AGBL5: variants seen among roughly 807,000 people sequenced by gnomAD.
The protein encoded by AGBL5 is cytosolic carboxypeptidase-like protein 5.
A neutral mutation model predicts 88.0 loss-of-function variants in AGBL5; 51 were observed. The ratio of observed to expected loss-of-function variants is 0.58; its 90% CI spans 0.46 to 0.73. The LOEUF (loss-of-function observed/expected upper bound fraction) is 0.73, where lower values mean the gene tolerates loss of function less well. Among genes scored for constraint, AGBL5 ranks in the 30% least tolerant of loss-of-function variants. The pLI is 0.00. For missense variants in AGBL5, 1,031 were observed against 1,162.2 expected, an observed-to-expected ratio of 0.89 and a Z score of 1.64; for synonymous variants, 446 against 438.8, an observed-to-expected ratio of 1.02 and a Z score of -0.21.
rs1197648286 is a variant in AGBL5, at chr2:27,055,904, T to C, written c.1131T>C (p.Cys377=). Residue 377 remains cysteine, a synonymous_variant, in exon 7 of 15, where the codon TGT becomes TGC. Coordinates refer to ENST00000360131, the MANE Select transcript of AGBL5 (RefSeq NM_021831.6). ...KANNLQNEAQ[C]GHSADRHNAE... ...ACAATCTCCAAAATGAAGCTCAGTGTGGGCACTCAGCTGACAGGCATAACG... is the reference window on the plus strand; with the variant it reads ...ACAATCTCCAAAATGAAGCTCAGTGCGGGCACTCAGCTGACAGGCATAACG... 6.2e-6 allele frequency: 10 copies of C among 1,614,180 alleles called. No individual in the cohort carries two copies. Among genetic ancestry groups the C allele is most frequent in the Non-Finnish European group, 8.5e-6 (10 of 1,180,020 alleles).
In AGBL5 at chr2:27,069,617, G is replaced by T; in HGVS notation, c.2400G>T (p.Gly800=). 1 of 1,614,202 alleles carries T rather than the reference G, an allele frequency of 6.2e-7. No homozygotes were observed. The highest frequency in any genetic ancestry group is 8.5e-7 in the Non-Finnish European group (1 of 1,180,022). Residue 800 remains glycine (G), a synonymous_variant, in exon 14 of 15, where the codon GGG becomes GGT. Transcript: ENST00000360131. ...LGRGSPPTRR[G]MKGSSGPTSP... ...GGGGCTCACCGCCGACTCGCAGAGG[G>T]ATGAAAGGCTCTTCAGGCCCCACAT...
rs771041606 is a variant in AGBL5 at position 27,058,497 on chromosome 2, G to A, written c.1769G>A (p.Arg590Gln). The change falls in exon 10 of 15, where the codon CGG becomes CAG. Residue 590 changes from arginine (R) to glutamine (Q), a missense_variant. Transcript: ENST00000360131. ...GAGCACAGCAGCCTTACTAATCTAC[G>A]GGCCTGGATGCTGAAACATGTACGC... is the stretch of plus-strand genomic sequence containing the variant. ...LSEHSSLTNLRAWMLKHVRNS... is the reference protein window; with the variant it reads ...LSEHSSLTNLQAWMLKHVRNS... 14 of 1,614,002 alleles carry A rather than the reference G, an allele frequency of 8.7e-6. No individual in the cohort carries two copies. The highest frequency in any genetic ancestry group is 6.7e-5 in the East Asian group (3 of 44,890).
chr2:27,069,532 TG>T (rs1410279806), intron 13 of AGBL5, 40 bp from the exon 14 acceptor site: 1 of 1,595,168 alleles, frequency 6.3e-7, no homozygotes, highest in Non-Finnish European at 8.6e-7. Flanking sequence ...AAAAAACTCA[TG>T]GAAGAATCCA....
chr2:27,058,530 G>A lies in AGBL5; in HGVS notation c.1802G>A (p.Arg601Gln), dbSNP rs751993277. 24 of 1,614,046 alleles carry A rather than the reference G, an allele frequency of 1.5e-5. No homozygotes were observed. Among genetic ancestry groups the A allele is most frequent in the Non-Finnish European group, 1.9e-5 (22 of 1,180,044 alleles). Reference sequence around the variant, plus strand: ...ATGCTGAAACATGTACGCAACAGCCGAGGCCTAAGCAGCACTCTGAATGTG... The same window carrying A: ...ATGCTGAAACATGTACGCAACAGCCAAGGCCTAAGCAGCACTCTGAATGTG... ...AWMLKHVRNS[R>Q]GLSSTLNVGV... Residue 601 changes from arginine (R) to glutamine (Q), a missense_variant, in exon 10 of 15, where the codon CGA becomes CAA. Coordinates refer to ENST00000360131, the MANE Select transcript of AGBL5 (RefSeq NM_021831.6).
intron 11 of AGBL5, chr2:27,062,922 C>G (rs1311867161): frequency 1.3e-5 from 2 of 152,180 alleles, no homozygotes; most frequent in East Asian, 3.8e-4. Flanking sequence ...GTCTTGAGAA[C>G]AATGATTATG....
chr2:27,066,489 T>A (rs978446515), intron 11 of AGBL5, among the ~76,000 whole-genome samples: 1 of 151,428 alleles, frequency 6.6e-6, no homozygotes, highest in African/African-American at 2.4e-5. Flanking sequence ...ACAGAGTGAT[T>A]TGGGAGTTTA....
intron 8 of AGBL5, 177 bp from the exon 9 acceptor site, chr2:27,057,126 C>T: frequency 1.5e-6 from 1 of 648,974 alleles, no homozygotes; most frequent in Non-Finnish European, 2.5e-6. Flanking sequence ...TGGGGGGACT[C>T]TCTGGGTATA....
At chr2:27,052,474 T>A (rs945318877) in intron 1 of AGBL5, 1 of 152,418 alleles carries the variant, frequency 6.6e-6, no homozygotes, top group Admixed American at 6.5e-5. Context: ...TTCCTCTCTC[T>A]GCTCTGTGCT....
chr2:27,057,376 C>G lies in AGBL5; in HGVS notation c.1609C>G (p.Arg537Gly). 6.2e-7 allele frequency: 1 copy of G among 1,614,004 alleles called. No individual in the cohort carries two copies. Residue 537 changes from arginine (R) to glycine (G), a missense_variant, in exon 9 of 15, where the codon CGT becomes GGT. By Grantham distance (125) the Arg-to-Gly change is moderately radical. Coordinates refer to ENST00000360131, the MANE Select transcript of AGBL5 (RefSeq NM_021831.6). ...SIPAACHDNG[R>G]ASPPPPPAFP... ...CCCTGCTGCCTGCCATGACAATGGG[C>G]GTGCCAGCCCCCCTCCCCCGCCGGC...
intron 10 of AGBL5, 59 bp downstream of exon 10, chr2:27,058,661 T>C (rs1427598496): frequency 1.9e-6 from 3 of 1,564,758 alleles, no homozygotes; most frequent in Non-Finnish European, 2.6e-6. Flanking sequence ...GCTCTAGAGC[T>C]AGGAGTTCCA....
At position 27,056,786 on chromosome 2, in the gene AGBL5, T is replaced by C. The variant is rs1196781670; in HGVS notation, c.1529T>C (p.Ile510Thr). Residue 510 changes from isoleucine to threonine, a missense_variant, in exon 8 of 15, where the codon ATC (isoleucine) becomes ACC (threonine). Coordinates refer to ENST00000360131, the MANE Select transcript of AGBL5 (RefSeq NM_021831.6). ...RVAIYKASGI[I>T]HSYTLECNYN... is the part of the protein sequence containing the mutation. ...GCAATCTACAAAGCCTCAGGGATAATCCACAGGTTGGGTGGAAGCTGAGAT... is the reference window on the plus strand; with the variant it reads ...GCAATCTACAAAGCCTCAGGGATAACCCACAGGTTGGGTGGAAGCTGAGAT... 6.2e-7 allele frequency: 1 copy of C among 1,602,872 alleles called. No homozygotes were observed. The highest frequency in any genetic ancestry group is 8.5e-7 in the Non-Finnish European group (1 of 1,173,474).
At position 27,057,283 on chromosome 2, in the gene AGBL5, T is replaced by G. The variant is rs1668483687; in HGVS notation, c.1536-20T>G. 8 of 1,606,184 alleles carry G rather than the reference T, an allele frequency of 5.0e-6. No individual in the cohort carries two copies. Among genetic ancestry groups the G allele is most frequent in the Non-Finnish European group, 6.8e-6 (8 of 1,175,156 alleles). On this transcript the variant is annotated intron_variant, in intron 8 of 14. Transcript: ENST00000360131. ...GGTATCTGTTCAGGCGGGACACTGA[T>G]AAAGGTCTTTATGTCTTAGCTACAC...
intron 11 of AGBL5, chr2:27,061,327 C>G (rs948710686): frequency 6.6e-6 from 1 of 151,534 alleles, no homozygotes; most frequent in African/African-American, 2.4e-5. Flanking sequence ...ACCTCTGCCT[C>G]CCAGGTTCAA....
chr2:27,050,808 G>A (rs1031483901), upstream of AGBL5, among the ~76,000 whole-genome samples: 2 of 152,226 alleles, frequency 1.3e-5, no homozygotes, highest in Admixed American at 6.5e-5. Context: ...TGGTAGAGCG[G>A]AGGACTGTAG....
intron 1 of AGBL5, chr2:27,052,448 A>G (rs911297732): frequency 3.9e-5 from 6 of 152,354 alleles, no homozygotes; most frequent in Admixed American, 3.3e-4. Flanking sequence ...CTACCCATTT[A>G]CACTCAGAAC....
intron 1 of AGBL5, 37 bp downstream of exon 1, chr2:27,051,830 C>G (rs1438865510): frequency 1.3e-5 from 2 of 151,680 alleles, no homozygotes; most frequent in African/African-American, 4.9e-5. Flanking sequence ...CCCCGCCAGC[C>G]CCGGCCCCGC....
Position 27,053,830 on chromosome 2 carries a change from G to T in AGBL5, c.388-66G>T, listed in dbSNP as rs942619854. ...AAGGGTGTGAGGTCAGTTCCTGGTG[G>T]TCCCAGTAGGAGCTCAGTTCTGACA... is the stretch of plus-strand genomic sequence containing the variant. On this transcript the variant is annotated intron_variant, in intron 3 of 14. Transcript: ENST00000360131. The surrounding 1 kb of genome is among the most constrained non-coding windows in gnomAD (Gnocchi z 4.9). The T allele has an allele frequency of 9.1e-6, 14 of 1,544,100 alleles. No homozygotes were observed. The African/African-American group carries it at 1.6e-4, about 18-fold the overall frequency.
chr2:27,054,518 C>G, intron 4 of AGBL5, 112 bp from the exon 5 acceptor site: 1 of 1,027,010 alleles, frequency 9.7e-7, no homozygotes, highest in Non-Finnish European at 1.4e-6. Context: ...ACTATAAGGC[C>G]CCAAAGGTTA....
upstream of AGBL5, chr2:27,051,384 G>A (rs1668134806): frequency 6.6e-6 from 1 of 152,228 alleles, no homozygotes; most frequent in South Asian, 2.1e-4. Context: ...AGACTGTTAA[G>A]CGATAAGGAG....
Sources: allele counts gnomAD v4.1 joint callset (sites outside exome capture counted in the v4.1 genomes callset), GRCh38; gene constraint gnomAD v4.1.1; non-coding constraint Gnocchi (gnomAD v3.1); transcripts MANE v1.5; gene names NCBI Gene and HGNC (gene_info 2026-07-23, HGNC 2026-07-21).